PELI1: variants seen among roughly 807,000 people sequenced by gnomAD.
PELI1 encodes pellino E3 ubiquitin protein ligase 1, also known as E3 ubiquitin-protein ligase pellino homolog 1.
In PELI1, 15 loss-of-function variants were observed where a neutral mutation model predicts 41.3. That is an observed-to-expected ratio of 0.36 (90% CI 0.24 to 0.56). The LOEUF (loss-of-function observed/expected upper bound fraction) is 0.56, where lower values mean the gene tolerates loss of function less well. Ranked by LOEUF, PELI1 falls within the 20% of genes least tolerant of loss-of-function variation. The pLI is 0.82. For synonymous variants in PELI1, 178 were observed against 180.1 expected (o/e 0.99, Z 0.09); for missense variants, 403 against 525.5 (o/e 0.77, Z 2.28).
chr2:64,134,674 C>T (rs746691704), intron 1 of PELI1, among the ~76,000 whole-genome samples: 18 of 152,108 alleles, frequency 1.2e-4, no homozygotes, highest in Non-Finnish European at 2.5e-4. Context: ...AAAAATCCAT[C>T]ATGCTAACTG....
chr2:64,138,458 T>C (rs934384516), intron 1 of PELI1, among the ~76,000 whole-genome samples: 18 of 152,214 alleles, frequency 1.2e-4, no homozygotes, highest in Admixed American at 3.9e-4. Context: ...CCAGGTGTGG[T>C]GGCTCCCACC....
intron 2 of PELI1, among the ~76,000 whole-genome samples, chr2:64,105,079 A>C (rs915948528): frequency 6.6e-6 from 1 of 150,718 alleles, no homozygotes; most frequent in Non-Finnish European, 1.5e-5. Flanking sequence ...GATTCGTGTT[A>C]TCTCTATTTT....
intron 3 of PELI1, among the ~76,000 whole-genome samples, chr2:64,104,056 T>G (rs181218053): frequency 2.6e-5 from 4 of 152,282 alleles, no homozygotes; most frequent in Admixed American, 2.6e-4. Context: ...GAAATTTTGT[T>G]AGAAGAATAC....
intron 1 of PELI1, chr2:64,143,306 C>A (rs1003626867): frequency 2.6e-5 from 4 of 152,162 alleles, no homozygotes; most frequent in Non-Finnish European, 5.9e-5. Flanking sequence ...GTTTGAACTA[C>A]GTAACAATTA....
intron 1 of PELI1, among the ~76,000 whole-genome samples, chr2:64,113,267 G>C (rs921913903): frequency 6.6e-6 from 1 of 150,818 alleles, no homozygotes; most frequent in Non-Finnish European, 1.5e-5. Context: ...CTCCAGCCTG[G>C]GTGACGGAGA....
intron 1 of PELI1, among the ~76,000 whole-genome samples, chr2:64,118,659 G>T (rs1681101367): frequency 6.6e-6 from 1 of 152,130 alleles, no homozygotes. Flanking sequence ...AGAACAAACA[G>T]AATATTCAGG....
At chr2:64,110,481 G>A (rs1184373371) in intron 1 of PELI1, among the ~76,000 whole-genome samples, 1 of 151,970 alleles carries the variant, frequency 6.6e-6, no homozygotes, top group African/African-American at 2.4e-5. Flanking sequence ...TATAAATAAA[G>A]AATGGCTAGA....
chr2:64,139,353 T>C (rs994428482), intron 1 of PELI1, among the ~76,000 whole-genome samples: 1 of 152,350 alleles, frequency 6.6e-6, no homozygotes, highest in East Asian at 1.9e-4. Context: ...TTGCCCAGGC[T>C]GGAGTGCAGT....
intron 1 of PELI1, among the ~76,000 whole-genome samples, chr2:64,120,495 C>T (rs1378164925): frequency 1.3e-5 from 2 of 152,246 alleles, no homozygotes; most frequent in East Asian, 1.9e-4. Context: ...TAAAGTTCAA[C>T]TTGAGTCTAG....
At chr2:64,118,031 G>A (rs903302463) in intron 1 of PELI1, among the ~76,000 whole-genome samples, 4 of 151,992 alleles carry the variant, frequency 2.6e-5, no homozygotes, top group African/African-American at 7.3e-5. Context: ...GAATGGTCTC[G>A]ATATCCTGAC....
intron 1 of PELI1, among the ~76,000 whole-genome samples, chr2:64,115,044 G>A (rs150635773): frequency 0.018 from 2,673 of 152,272 alleles, 40 homozygotes; most frequent in Non-Finnish European, 0.03. Context: ...AGTTGAAGGC[G>A]GGTGTAGTTT....
intron 3 of PELI1, among the ~76,000 whole-genome samples, chr2:64,102,710 G>A (rs749762507): frequency 5.3e-5 from 8 of 152,112 alleles, no homozygotes; most frequent in Non-Finnish European, 1.0e-4. Flanking sequence ...AGTTACGTTT[G>A]AGTCTCACTG....
At chr2:64,112,045 G>GT (rs1680822279) in intron 1 of PELI1, among the ~76,000 whole-genome samples, 2 of 151,922 alleles carry the variant, frequency 1.3e-5, no homozygotes, top group South Asian at 4.1e-4. Context: ...CCTATTTAGA[G>GT]TTACTATTTA....
intron 1 of PELI1, among the ~76,000 whole-genome samples, chr2:64,133,993 CAT>C (rs1218630341): frequency 6.6e-6 from 1 of 152,014 alleles, no homozygotes; most frequent in African/African-American, 2.4e-5. Flanking sequence ...AGAGTTTTTC[CAT>C]ATGACAATTC....
chr2:64,118,125 CAG>C (rs1271739319), intron 1 of PELI1, among the ~76,000 whole-genome samples: 1 of 152,088 alleles, frequency 6.6e-6, no homozygotes, highest in East Asian at 1.9e-4. Context: ...TTTGTTTAAA[CAG>C]AGTGAATATT....
intron 1 of PELI1, among the ~76,000 whole-genome samples, chr2:64,120,535 T>C (rs976137748): frequency 1.3e-5 from 2 of 152,254 alleles, no homozygotes; most frequent in African/African-American, 4.8e-5. Flanking sequence ...TAAAGTTCTT[T>C]AGTAGCCCTA....
At chr2:64,113,620 G>C (rs987965636) in intron 1 of PELI1, among the ~76,000 whole-genome samples, 1 of 151,820 alleles carries the variant, frequency 6.6e-6, no homozygotes, top group Admixed American at 6.6e-5. Flanking sequence ...AACTTCCAGA[G>C]TTAAAAAAAA....
At chr2:64,116,950 G>T (rs1202704654) in intron 1 of PELI1, among the ~76,000 whole-genome samples, 2 of 152,134 alleles carry the variant, frequency 1.3e-5, no homozygotes, top group African/African-American at 4.8e-5. Context: ...ATGGTGGTCT[G>T]TGATCAGTGA....
rs908768431 is a variant in PELI1, at chr2:64,094,408, T to C, written c.*294A>G. 10 of 284,950 alleles carry C rather than the reference T, an allele frequency of 3.5e-5. No homozygotes were observed. Among genetic ancestry groups the C allele is most frequent in the Admixed American group, 9.5e-5 (2 of 21,006 alleles). The allele number at this position is 284,950 out of a possible 1,614,324, so 17.7% of individuals were successfully genotyped here. A position where few individuals can be genotyped will look rare whatever the true frequency, so the allele number is the denominator to read the frequency against. On this transcript the variant is annotated 3_prime_UTR_variant, in exon 7 of 7. Coordinates refer to ENST00000358912, the MANE Select transcript of PELI1 (RefSeq NM_020651.4). ...TACAAAACAATTTCAGCACTGAGGA[T>C]AGGTGATTCAAAAACACTAAAAGGA...
Sources: allele counts gnomAD v4.1 joint callset (sites outside exome capture counted in the v4.1 genomes callset), GRCh38; gene constraint gnomAD v4.1.1; transcripts MANE v1.5; gene names NCBI Gene and HGNC (gene_info 2026-07-23, HGNC 2026-07-21).